Variants in CIP2A observed in about 807,000 individuals in gnomAD.
CIP2A encodes the protein cellular inhibitor of PP2A, also known as protein CIP2A.
CIP2A carries 103 observed loss-of-function variants against 110.9 expected under a neutral mutation model. That is an observed-to-expected ratio of 0.93 (90% confidence interval 0.79 to 1.09). The LOEUF is 1.09. CIP2A is among the 50% of genes least tolerant of loss of function. The pLI is 0.00. For synonymous variants in CIP2A, 381 were observed against 361.6 expected (o/e 1.05, Z -0.61); for missense variants, 1,088 against 1,038.4 (o/e 1.05, Z -0.66).
chr3:108,589,294 G>A lies in CIP2A; in HGVS notation c.82C>T (p.Gln28Ter). ...KAVKSEANAT[Q>*]LLRHLEVISG... ...CTCACCTCCAAGTGCCGCAAAAGCT[G>A]AGTGGCGTTCGCCTCTGACTTCACG... is the stretch of plus-strand genomic sequence containing the variant. The change falls in exon 1 of 21, where the codon CAG becomes TAG. Residue 28 changes from glutamine to a stop codon, truncating the protein, a stop_gained. Transcript: ENST00000295746. LOFTEE classifies it high-confidence loss of function. 6.2e-7 allele frequency: 1 copy of A among 1,613,898 alleles called. No individual in the cohort carries two copies. Among genetic ancestry groups the A allele is most frequent in the Non-Finnish European group, 8.5e-7 (1 of 1,179,782 alleles).
At chr3:108,560,180 C>CTTT in intron 14 of CIP2A, 152 bp from the exon 15 acceptor site, 1 of 467,618 alleles carries the variant, frequency 2.1e-6, no homozygotes, top group Non-Finnish European at 3.8e-6. Flanking sequence ...ACAAATATTT[C>CTTT]TTTTTTTTTT....
At position 108,551,258 on chromosome 3, in the gene CIP2A, A is replaced by G. The variant is rs2083893611; in HGVS notation, c.2609T>C (p.Leu870Ser). 1.2e-6 allele frequency: 2 copies of G among 1,612,506 alleles called. No individual in the cohort carries two copies. The highest frequency in any genetic ancestry group is 1.7e-5 in the Admixed American group (1 of 59,922). Reference sequence around the variant, plus strand: ...CAATTCCTCTTGCTGAAGTTTCACCAAGGACTCTTTCTCTTCCAAACGACC... The same window carrying G: ...CAATTCCTCTTGCTGAAGTTTCACCGAGGACTCTTTCTCTTCCAAACGACC... Reference protein sequence around the residue: ...LEGRLEEKESLVKLQQEELNK... With the variant: ...LEGRLEEKESSVKLQQEELNK... The change falls in exon 21 of 21, where the codon TTG becomes TCG. Residue 870 changes from leucine to serine, a missense_variant. Leu to Ser is a moderately radical substitution (Grantham distance 145, BLOSUM62 -2). Transcript: ENST00000295746.
intron 11 of CIP2A, 115 bp downstream of exon 11, chr3:108,566,378 TGTTA>T (rs961668074): frequency 1.7e-5 from 12 of 692,528 alleles, no homozygotes; most frequent in Non-Finnish European, 2.8e-5. Flanking sequence ...AAAATATGTT[TGTTA>T]ATCTGTTATA....
Position 108,569,402 on chromosome 3 carries a change from T to G in CIP2A, c.1100A>C (p.Lys367Thr). 1 of 1,611,770 alleles carries G rather than the reference T, an allele frequency of 6.2e-7. No homozygotes were observed. Among genetic ancestry groups the G allele is most frequent in the Non-Finnish European group, 8.5e-7 (1 of 1,178,542 alleles). ...TCATCCTATTACCTCAAATATTTCC[T>G]TGAACAACTCCAATGCTAAAACAGA... ...NCSVLALELF[K>T]EIFEDVIDAA... Residue 367 changes from lysine to threonine, a missense_variant, in exon 9 of 21, where the codon AAG (lysine) becomes ACG (threonine). By Grantham distance (78) the Lys-to-Thr change is moderately conservative. Coordinates refer to ENST00000295746, the MANE Select transcript of CIP2A (RefSeq NM_020890.3).
At position 108,569,277 on chromosome 3, in the gene CIP2A, G is replaced by A. The variant is rs1938303223; in HGVS notation, c.1113+112C>T. 3 of 757,682 alleles carry A rather than the reference G, an allele frequency of 4.0e-6. No individual in the cohort carries two copies. The East Asian group carries it at 8.2e-5, about 21-fold the overall frequency. 46.9% of individuals were successfully genotyped at this position (757,682 alleles called of 1,614,324 possible). A position where few individuals can be genotyped will look rare whatever the true frequency, so the allele number is the denominator to read the frequency against. On this transcript the variant is annotated intron_variant, in intron 9 of 20. Transcript: ENST00000295746. ...GTCTAGTATGACTGTTAGTAATTGA[G>A]ATGTTTTCCTCAAGTGTATGAACTG...
At chr3:108,568,896 G>A (rs1478053607) in intron 9 of CIP2A, among the ~76,000 whole-genome samples, 2 of 151,552 alleles carry the variant, frequency 1.3e-5, no homozygotes, top group Non-Finnish European at 2.9e-5. Context: ...TATAAACAGG[G>A]AGAATAGTAG....
chr3:108,556,261 T>C (rs536969633), intron 17 of CIP2A, among the ~76,000 whole-genome samples: 2 of 152,300 alleles, frequency 1.3e-5, no homozygotes, highest in East Asian at 3.9e-4. Flanking sequence ...AATTTCTATA[T>C]CTCTGTATTA....
chr3:108,568,328 C>A lies in CIP2A; in HGVS notation c.1114-14G>T. 6.2e-7 allele frequency: 1 copy of A among 1,608,052 alleles called. No homozygotes were observed. The highest frequency in any genetic ancestry group is 1.1e-5 in the South Asian group (1 of 90,512). On this transcript the variant is annotated splice_polypyrimidine_tract_variant and intron_variant, in intron 9 of 20. Transcript: ENST00000295746. ...ATCTATGACATCCTGGAGAATTATCCATCACAAATGATTAAAAGCAAAGAT... is the reference window on the plus strand; with the variant it reads ...ATCTATGACATCCTGGAGAATTATCAATCACAAATGATTAAAAGCAAAGAT...
Position 108,576,288 on chromosome 3 carries a change from G to T in CIP2A, c.877C>A (p.Pro293Thr), listed in dbSNP as rs116097126. 27,306 of 1,558,376 alleles carry T rather than the reference G, an allele frequency of 0.018. 321 individuals are homozygous for T. Among genetic ancestry groups the T allele is most frequent in the Non-Finnish European group, 0.021 (24,180 of 1,150,416 alleles). ...TTACATACCTTTGAAGAGGAATCAG[G>T]ATCCTTTCCATTAAGAAGACCTAAT... ...QVLGLLNGKD[P>T]DSSSKVLELL... Residue 293 changes from proline to threonine, a missense_variant, in exon 8 of 21, where the codon CCT becomes ACT. Coordinates refer to ENST00000295746, the MANE Select transcript of CIP2A (RefSeq NM_020890.3).
At chr3:108,580,635 G>T (rs13315466) in intron 5 of CIP2A, among the ~76,000 whole-genome samples, 2,879 of 145,592 alleles carry the variant, frequency 0.02, 100 homozygotes, top group African/African-American at 0.068. Flanking sequence ...AATATACTTT[G>T]TTTTTTTTTT....
chr3:108,559,091 A>G (rs944518028), intron 16 of CIP2A, among the ~76,000 whole-genome samples: 4 of 152,136 alleles, frequency 2.6e-5, no homozygotes, highest in Non-Finnish European at 4.4e-5. Context: ...GACTACAGGT[A>G]GGAAGACTAA....
In CIP2A at chr3:108,579,574, C is replaced by G. The variant is rs1191632292; in HGVS notation, c.664G>C (p.Gly222Arg). 1.3e-6 allele frequency: 2 copies of G among 1,588,914 alleles called. No homozygotes were observed. The highest frequency in any genetic ancestry group is 1.8e-5 in the Admixed American group (1 of 56,930). The change falls in exon 6 of 21, where the codon GGG (glycine) becomes CGG (arginine). Residue 222 changes from glycine (G) to arginine (R), a missense_variant. Physicochemically the swap from Gly to Arg is moderately radical, Grantham distance 125. Transcript: ENST00000295746. ...TGAAAAATTGTATTTACCTTTTCCC[C>G]CACCTCTTCATTTAATGTCAAACTG... ...LSSLTLNEEV[G>R]EKLFHARNIH...
At position 108,568,330 on chromosome 3, in the gene CIP2A, T is replaced by A. The variant is rs759224921; in HGVS notation, c.1114-16A>T. 3 of 1,607,290 alleles carry A rather than the reference T, an allele frequency of 1.9e-6. No homozygotes were observed. The South Asian group carries it at 3.3e-5, about 18-fold the overall frequency. ...CTATGACATCCTGGAGAATTATCCATCACAAATGATTAAAAGCAAAGATGG... is the reference window on the plus strand; with the variant it reads ...CTATGACATCCTGGAGAATTATCCAACACAAATGATTAAAAGCAAAGATGG... On this transcript the variant is annotated splice_polypyrimidine_tract_variant and intron_variant, in intron 9 of 20. Coordinates refer to ENST00000295746, the MANE Select transcript of CIP2A (RefSeq NM_020890.3).
At chr3:108,564,383 G>A (rs1413393499) in intron 12 of CIP2A, among the ~76,000 whole-genome samples, 1 of 151,964 alleles carries the variant, frequency 6.6e-6, no homozygotes, top group Non-Finnish European at 1.5e-5. Flanking sequence ...TCTCTGTTAA[G>A]CTACTGCAGT....
chr3:108,556,273 C>A (rs185993062), intron 17 of CIP2A, among the ~76,000 whole-genome samples: 174 of 152,226 alleles, frequency 1.1e-3, no homozygotes, highest in African/African-American at 4.0e-3. Context: ...TCTGTATTAA[C>A]AACATAGAAC....
chr3:108,569,572 A>G lies in CIP2A; in HGVS notation c.930T>C (p.Thr310=). The G allele has an allele frequency of 1.9e-6, 3 of 1,612,696 alleles. No homozygotes were observed. In the African/African-American group the frequency reaches 4.0e-5, roughly 22 times the overall value. ...LELLLAFCSV[T]QLRHMLTQMM... ...TCTGAGTGAGCATATGGCGCAGCTG[A>G]GTCACTGAACAGAAGGCAAGAAGTA... The change falls in exon 9 of 21, where the codon ACT becomes ACC. Residue 310 remains threonine, a synonymous_variant. Transcript: ENST00000295746.
At chr3:108,589,189 G>C in intron 1 of CIP2A, 85 bp downstream of exon 1, 1 of 969,810 alleles carries the variant, frequency 1.0e-6, no homozygotes, top group Non-Finnish European at 1.6e-6. Context: ...TCTTTCCCAG[G>C]CTGGGGCCGC....
At chr3:108,565,786 T>C (rs141731342) in intron 11 of CIP2A, among the ~76,000 whole-genome samples, 2 of 151,924 alleles carry the variant, frequency 1.3e-5, no homozygotes, top group African/African-American at 4.8e-5. Context: ...CAACAGACGG[T>C]AACCTTAGGC....
intron 8 of CIP2A, among the ~76,000 whole-genome samples, chr3:108,575,453 C>T (rs955412776): frequency 1.1e-4 from 17 of 147,990 alleles, no homozygotes; most frequent in African/African-American, 4.0e-4. Context: ...TATACATATA[C>T]ATGTATACAT....
Sources: gnomAD v4.1 joint callset for allele counts (sites outside exome capture counted in the v4.1 genomes callset) on GRCh38, gnomAD v4.1.1 for gene constraint, MANE v1.5 for transcripts, NCBI Gene and HGNC (gene_info 2026-07-23, HGNC 2026-07-21) for gene names.